Variants in CTIF observed in about 807,000 individuals in gnomAD.
CTIF encodes the protein cap binding complex dependent translation initiation factor.
CTIF carries 21 observed loss-of-function variants against 66.0 expected under a neutral mutation model. That is an observed-to-expected ratio of 0.32 (90% CI 0.23 to 0.46). The LOEUF (loss-of-function observed/expected upper bound fraction) is 0.46. Ranked by LOEUF, CTIF falls within the 20% of genes least tolerant of loss-of-function variation. The probability of loss-of-function intolerance (pLI) is 1.00; values close to 1 mark genes in which losing one functional copy is unlikely to be tolerated. For missense variants in CTIF, 739 were observed against 812.7 expected, an observed-to-expected ratio of 0.91 and a Z score of 1.10; for synonymous variants, 345 against 326.4, an observed-to-expected ratio of 1.06 and a Z score of -0.62.
chr18:48,700,039 T>C (rs1213950161), intron 6 of CTIF, among the ~76,000 whole-genome samples: 3 of 152,192 alleles, frequency 2.0e-5, no homozygotes, highest in Non-Finnish European at 4.4e-5. Context: ...CATGCTGATA[T>C]GGCTTGGCTG....
At chr18:48,806,167 G>C (rs756323887) in intron 9 of CTIF, among the ~76,000 whole-genome samples, 2 of 152,152 alleles carry the variant, frequency 1.3e-5, no homozygotes, top group Non-Finnish European at 2.9e-5. Context: ...AAGGAAAGTT[G>C]GGGCCAAATA....
intron 6 of CTIF, among the ~76,000 whole-genome samples, chr18:48,672,860 C>T (rs531632477): frequency 4.9e-4 from 74 of 152,296 alleles, no homozygotes; most frequent in Non-Finnish European, 8.5e-4. Flanking sequence ...ATGTTCTCAG[C>T]ACCCTTGCCC....
chr18:48,733,079 A>G (rs1309345693), intron 7 of CTIF, among the ~76,000 whole-genome samples: 1 of 152,174 alleles, frequency 6.6e-6, no homozygotes, highest in Admixed American at 6.5e-5. Context: ...TTTCATCATT[A>G]GTGCATGCTT....
intron 6 of CTIF, among the ~76,000 whole-genome samples, chr18:48,682,613 C>A (rs1016276805): frequency 6.6e-6 from 1 of 152,236 alleles, no homozygotes; most frequent in Non-Finnish European, 1.5e-5. Context: ...CCCCTTCTAT[C>A]TGCTGCTGAG....
intron 10 of CTIF, among the ~76,000 whole-genome samples, chr18:48,817,860 G>A (rs745983336): frequency 1.5e-4 from 23 of 151,882 alleles, no homozygotes; most frequent in Non-Finnish European, 2.6e-4. Context: ...GTCTTTCTTC[G>A]TTGGGTTTAT....
intron 6 of CTIF, among the ~76,000 whole-genome samples, chr18:48,701,537 G>GCCACACTGGGGGC (rs1466496150): frequency 1.3e-5 from 2 of 151,158 alleles, no homozygotes; most frequent in African/African-American, 4.9e-5. Flanking sequence ...CCGTCCCCCA[G>GCCACACTGGGGGC]CCCCCAGTGC....
chr18:48,658,976 G>T (rs1262898384), intron 3 of CTIF, among the ~76,000 whole-genome samples: 1 of 152,128 alleles, frequency 6.6e-6, no homozygotes, highest in African/African-American at 2.4e-5. Context: ...CACTGCCTGG[G>T]CCACCACCTC....
intron 9 of CTIF, among the ~76,000 whole-genome samples, chr18:48,786,703 C>T (rs986281261): frequency 6.6e-6 from 1 of 152,202 alleles, no homozygotes; most frequent in South Asian, 2.1e-4. Context: ...TTGGCCTTGC[C>T]TGTTCTTAGC....
chr18:48,580,806 C>G (rs542033398), intron 1 of CTIF, among the ~76,000 whole-genome samples: 1 of 152,214 alleles, frequency 6.6e-6, no homozygotes, highest in Non-Finnish European at 1.5e-5. Flanking sequence ...TTGGTTTCCA[C>G]TCCCACCTCA....
At chr18:48,816,954 G>A (rs2146325015) in intron 9 of CTIF, among the ~76,000 whole-genome samples, 2 of 152,332 alleles carry the variant, frequency 1.3e-5, no homozygotes, top group Middle Eastern at 6.8e-3. Context: ...CAGTGAAGGA[G>A]GATGACCAGC....
intron 1 of CTIF, among the ~76,000 whole-genome samples, chr18:48,592,279 G>T (rs573136680): frequency 6.6e-6 from 1 of 152,042 alleles, no homozygotes; most frequent in Non-Finnish European, 1.5e-5. Context: ...TGAGGTGGGC[G>T]GATCAACTGA....
At chr18:48,636,070 A>G (rs1374490680) in intron 2 of CTIF, among the ~76,000 whole-genome samples, 2 of 152,294 alleles carry the variant, frequency 1.3e-5, no homozygotes, top group Non-Finnish European at 2.9e-5. Context: ...ACACTTTGGG[A>G]CACAGCAGCC....
intron 1 of CTIF, among the ~76,000 whole-genome samples, chr18:48,558,221 C>T (rs1015227452): frequency 4.6e-5 from 7 of 152,208 alleles, no homozygotes; most frequent in Admixed American, 6.5e-5. Flanking sequence ...GCCATGTATT[C>T]ATCTATGTGT....
intron 7 of CTIF, among the ~76,000 whole-genome samples, chr18:48,727,000 T>G (rs1220438491): frequency 6.6e-6 from 1 of 151,780 alleles, no homozygotes; most frequent in African/African-American, 2.4e-5. Context: ...GTGTATCTCC[T>G]TAAGTACAGC....
intron 1 of CTIF, among the ~76,000 whole-genome samples, chr18:48,598,932 GC>G (rs899018144): frequency 4.6e-5 from 7 of 152,158 alleles, no homozygotes; most frequent in African/African-American, 1.4e-4. Context: ...TCTCACCCCT[GC>G]CCCTATACGA....
intron 6 of CTIF, among the ~76,000 whole-genome samples, chr18:48,707,775 G>C (rs1347500108): frequency 6.6e-6 from 1 of 152,058 alleles, no homozygotes; most frequent in African/African-American, 2.4e-5. Flanking sequence ...GTGGTTTTTA[G>C]GGTATTCACA....
chr18:48,580,292 G>T (rs1240202366), intron 1 of CTIF, among the ~76,000 whole-genome samples: 1 of 152,022 alleles, frequency 6.6e-6, no homozygotes, highest in Non-Finnish European at 1.5e-5. Context: ...CCTCAGGAGG[G>T]TCAATGACAC....
intron 6 of CTIF, among the ~76,000 whole-genome samples, chr18:48,684,198 C>T (rs766881881): frequency 6.6e-6 from 1 of 152,156 alleles, no homozygotes; most frequent in Non-Finnish European, 1.5e-5. Flanking sequence ...TAGGCTGGGG[C>T]GACCTCATGC....
chr18:48,559,941 T>G (rs1440950127), intron 1 of CTIF, among the ~76,000 whole-genome samples: 1 of 152,124 alleles, frequency 6.6e-6, no homozygotes, highest in Admixed American at 6.6e-5. Context: ...ATGTACCCCC[T>G]AAATAAATAC....
Sources: gnomAD v4.1 joint callset for allele counts (sites outside exome capture counted in the v4.1 genomes callset) on GRCh38, gnomAD v4.1.1 for gene constraint, MANE v1.5 for transcripts, NCBI Gene and HGNC (gene_info 2026-07-23, HGNC 2026-07-21) for gene names.